Variants in DPYD observed in about 807,000 individuals in gnomAD.
The protein encoded by DPYD is dihydropyrimidine dehydrogenase.
In DPYD, 109 loss-of-function variants were observed where a neutral mutation model predicts 116.2. That is an observed-to-expected ratio of 0.94 (90% CI 0.80 to 1.10). The LOEUF (loss-of-function observed/expected upper bound fraction) is 1.10, where lower values mean the gene tolerates loss of function less well. Ranked by LOEUF, DPYD falls within the 50% of genes least tolerant of loss-of-function variation. DPYD has a pLI of 0.00. For synonymous variants in DPYD, 440 were observed against 432.0 expected (o/e 1.02, Z -0.23); for missense variants, 1,302 against 1,254.5 (o/e 1.04, Z -0.57).
chr1:97,240,076 T>C (rs1368659522), intron 18 of DPYD, among the ~76,000 whole-genome samples: 1 of 152,038 alleles, frequency 6.6e-6, no homozygotes, highest in Non-Finnish European at 1.5e-5. Flanking sequence ...ATGATGCCTA[T>C]GATGACAGAA....
chr1:97,592,604 T>A (rs1302342645), intron 10 of DPYD, among the ~76,000 whole-genome samples: 1 of 152,186 alleles, frequency 6.6e-6, no homozygotes, highest in Non-Finnish European at 1.5e-5. Flanking sequence ...CCTGACCTTG[T>A]GATCCGCCGG....
chr1:97,078,878 T>C lies in DPYD; in HGVS notation c.*98A>G. 7.2e-7 allele frequency: 1 copy of C among 1,386,598 alleles called. No homozygotes were observed. 85.9% of individuals were successfully genotyped at this position (1,386,598 alleles called of 1,614,324 possible). A position where few individuals can be genotyped will look rare whatever the true frequency, so the allele number is the denominator to read the frequency against. ...TTTTTATTTAGAAAATGTATATTTG[T>C]TTTAATTTGGAAAGAGCTGAACACA... On this transcript the variant is annotated 3_prime_UTR_variant, in exon 23 of 23. Transcript: ENST00000370192.
At chr1:97,752,733 T>C (rs1331755913) in intron 3 of DPYD, among the ~76,000 whole-genome samples, 2 of 152,228 alleles carry the variant, frequency 1.3e-5, no homozygotes, top group East Asian at 1.9e-4. Context: ...CTGGCTATCA[T>C]GCTTGGAGCC....
chr1:97,729,777 A>C (rs2101045212), intron 4 of DPYD, among the ~76,000 whole-genome samples: 1 of 152,258 alleles, frequency 6.6e-6, no homozygotes, highest in Admixed American at 6.5e-5. Flanking sequence ...GAGAACTTAC[A>C]ATCTTCCCCA....
In DPYD at chr1:97,230,604, C is replaced by A. The variant is rs182458565; in HGVS notation, c.2442+4248G>T. ...GAAAAAAGTTTACCTATGTAGCAAA[C>A]CTGCACACGTACCCTGAACTTAAAA... On this transcript the variant is annotated intron_variant, in intron 19 of 22. Transcript: ENST00000370192. Among the ~76,000 whole-genome samples the A allele has an allele frequency of 1.8e-4, 28 of 152,154 alleles. No homozygotes were observed. In the East Asian group the frequency reaches 4.8e-3, roughly 26 times the overall value.
chr1:97,084,353 G>A (rs983996841), intron 21 of DPYD, among the ~76,000 whole-genome samples: 25 of 151,424 alleles, frequency 1.7e-4, no homozygotes, highest in Non-Finnish European at 1.2e-4. Context: ...AAGACATCTC[G>A]AATGCCACTA....
Position 97,276,383 on chromosome 1 carries a change from G to A in DPYD, c.2299+28876C>T, listed in dbSNP as rs188329929. On this transcript the variant is annotated intron_variant, in intron 18 of 22. Transcript: ENST00000370192. Reference sequence around the variant, plus strand: ...TAAACAGAGAGCCTACAGAATGGGAGGAAATATTTGCAAACTATGCGTCCA... The same window carrying A: ...TAAACAGAGAGCCTACAGAATGGGAAGAAATATTTGCAAACTATGCGTCCA... Among the ~76,000 whole-genome samples, 17 of 152,122 alleles carry A rather than the reference G, an allele frequency of 1.1e-4. No individual in the cohort carries two copies. The East Asian group carries it at 3.3e-3, about 29-fold the overall frequency.
At chr1:97,421,181 G>T (rs1465520737) in intron 14 of DPYD, among the ~76,000 whole-genome samples, 1 of 152,074 alleles carries the variant, frequency 6.6e-6, no homozygotes, top group African/African-American at 2.4e-5. Flanking sequence ...AGTGCTAAGG[G>T]TCTGGCAAAT....
chr1:97,705,655 G>A (rs1571221399), intron 5 of DPYD, among the ~76,000 whole-genome samples: 1 of 152,176 alleles, frequency 6.6e-6, no homozygotes, highest in African/African-American at 2.4e-5. Flanking sequence ...ACCCAGTAAT[G>A]GGATGGCTGG....
intron 12 of DPYD, 40 bp downstream of exon 12, chr1:97,549,513 CTTATCCA>C (rs750122226): frequency 6.3e-7 from 1 of 1,594,060 alleles, no homozygotes; most frequent in Non-Finnish European, 8.6e-7. Context: ...AAATGAAGCA[CTTATCCA>C]TTGGAAAAGA....
intron 11 of DPYD, among the ~76,000 whole-genome samples, chr1:97,562,998 C>T (rs559451795): frequency 3.9e-5 from 6 of 152,228 alleles, no homozygotes; most frequent in South Asian, 2.1e-4. Context: ...GGATTACAGG[C>T]GTGAGCCACC....
At chr1:97,244,477 G>T (rs1432301592) in intron 18 of DPYD, among the ~76,000 whole-genome samples, 1 of 152,044 alleles carries the variant, frequency 6.6e-6, no homozygotes, top group South Asian at 2.1e-4. Context: ...AATCCAGTGC[G>T]CAGAGAGGTT....
chr1:97,680,012 G>A (rs1242340097), intron 7 of DPYD, among the ~76,000 whole-genome samples: 3 of 152,076 alleles, frequency 2.0e-5, no homozygotes, highest in African/African-American at 4.8e-5. Context: ...ACTGATACTT[G>A]GAAACATAAG....
At chr1:97,332,123 C>G (rs1053046348) in intron 16 of DPYD, among the ~76,000 whole-genome samples, 1 of 152,132 alleles carries the variant, frequency 6.6e-6, no homozygotes, top group Non-Finnish European at 1.5e-5. Context: ...GAGCCTAGAT[C>G]TACTGTCCAG....
chr1:97,466,189 T>C (rs567968141), intron 13 of DPYD, among the ~76,000 whole-genome samples: 35 of 152,256 alleles, frequency 2.3e-4, no homozygotes, highest in African/African-American at 7.7e-4. Flanking sequence ...AGTTGGCAAA[T>C]AGAAAATCTG....
intron 14 of DPYD, among the ~76,000 whole-genome samples, chr1:97,422,622 A>G (rs1405740514): frequency 6.6e-6 from 1 of 152,088 alleles, no homozygotes; most frequent in African/African-American, 2.4e-5. Context: ...CACAACAAGG[A>G]CCCTGAGCAC....
intron 1 of DPYD, among the ~76,000 whole-genome samples, chr1:97,899,773 C>A (rs900161648): frequency 2.0e-5 from 3 of 151,912 alleles, no homozygotes; most frequent in Non-Finnish European, 4.4e-5. Flanking sequence ...GAGATTGATA[C>A]GTGGTCATGG....
intron 18 of DPYD, among the ~76,000 whole-genome samples, chr1:97,256,555 G>T (rs772934550): frequency 6.6e-6 from 1 of 152,062 alleles, no homozygotes; most frequent in Non-Finnish European, 1.5e-5. Flanking sequence ...TCCACGTTAA[G>T]ATGTGACTTG....
intron 12 of DPYD, among the ~76,000 whole-genome samples, chr1:97,522,180 A>C (rs562031328): frequency 3.9e-5 from 6 of 152,244 alleles, no homozygotes; most frequent in African/African-American, 1.4e-4. Flanking sequence ...TAATATCCAG[A>C]ATCTACAAAG....
Sources: gnomAD v4.1 joint callset for allele counts (sites outside exome capture counted in the v4.1 genomes callset) on GRCh38, gnomAD v4.1.1 for gene constraint, MANE v1.5 for transcripts, NCBI Gene and HGNC (gene_info 2026-07-23, HGNC 2026-07-21) for gene names.